The following TCF25 variants were observed in gnomAD, a reference collection of about 807,000 sequenced individuals.
TCF25 encodes the protein TCF25 ribosome quality control complex subunit.
In TCF25, 41 loss-of-function variants were observed where a neutral mutation model predicts 83.1. That is an observed-to-expected ratio of 0.49 (90% CI 0.38 to 0.64). The LOEUF (loss-of-function observed/expected upper bound fraction) is 0.64. Ranked by LOEUF, TCF25 falls within the 30% of genes least tolerant of loss-of-function variation. TCF25 has a pLI of 0.00. For missense variants in TCF25, 979 were observed against 914.5 expected (o/e 1.07, Z -0.91); for synonymous variants, 458 against 365.0 (o/e 1.25, Z -2.90).
intron 1 of TCF25, 116 bp downstream of exon 1, chr16:89,873,975 G>C (rs1387163988): frequency 7.8e-7 from 1 of 1,284,022 alleles, no homozygotes; most frequent in Non-Finnish European, 1.0e-6. Flanking sequence ...GAAGGGTGAC[G>C]TGGGTCCCAG....
Position 89,910,544 on chromosome 16 carries a change from G to A in TCF25, c.1800-47G>A, listed in dbSNP as rs2144357685. ...CCCCGTGAGCCGGGTTGGGTCCCAC[G>A]AGTCTCAGTTCAGTGTCGTTTCTGA... On this transcript the variant is annotated intron_variant, in intron 16 of 17. Transcript: ENST00000263346. 4.4e-6 allele frequency: 7 copies of A among 1,603,214 alleles called. No homozygotes were observed. In the East Asian group the frequency reaches 6.7e-5, roughly 15 times the overall value.
chr16:89,910,952 T>TG, intron 17 of TCF25, 128 bp from the exon 18 acceptor site: 1 of 1,308,204 alleles, frequency 7.6e-7, no homozygotes. Flanking sequence ...CACAGGGACC[T>TG]GGGGAGGGTT....
intron 9 of TCF25, 58 bp downstream of exon 9, chr16:89,896,141 G>T: frequency 6.4e-7 from 1 of 1,553,184 alleles, no homozygotes. Flanking sequence ...TGCGAGTGAG[G>T]CTGGGGGAGG....
chr16:89,900,737 T>A lies in TCF25; in HGVS notation c.1324T>A (p.Ser442Thr). Residue 442 changes from serine (S) to threonine (T), a missense_variant, in exon 12 of 18, where the codon TCT (serine) becomes ACT (threonine). By Grantham distance (58) the Ser-to-Thr change is moderately conservative. Coordinates refer to ENST00000263346, the MANE Select transcript of TCF25 (RefSeq NM_014972.3). The part of the protein sequence containing the change: ...QTDLPECEQS[S>T]ARQKASLLIQ... ...AGACCTCCCTGAGTGTGAGCAGAGC[T>A]CTGCCAGGCAGAAGGCCTCTCTCCT... 1.3e-6 allele frequency: 2 copies of A among 1,599,798 alleles called. No homozygotes were observed. Among genetic ancestry groups the A allele is most frequent in the Non-Finnish European group, 1.7e-6 (2 of 1,167,982 alleles).
chr16:89,902,407 C>CTCTGAGGGGCTGTGAG (rs1567730548), intron 12 of TCF25, among the ~76,000 whole-genome samples: 1 of 49,116 alleles, frequency 2.0e-5, no homozygotes, highest in African/African-American at 1.0e-4. Flanking sequence ...GACGGGCCTC[C>CTCTGAGGGGCTGTGAG]GGCCGGGCGC....
intron 1 of TCF25, among the ~76,000 whole-genome samples, chr16:89,877,020 T>G (rs1270685124): frequency 6.6e-6 from 1 of 151,344 alleles, no homozygotes; most frequent in Non-Finnish European, 1.5e-5. Context: ...GAGAATTGCT[T>G]GAACCCAGGA....
chr16:89,906,614 C>T (rs73265865), intron 15 of TCF25, among the ~76,000 whole-genome samples: 7,324 of 152,244 alleles, frequency 0.048, 595 homozygotes, highest in African/African-American at 0.17. Context: ...CCTGCTCTGA[C>T]GCCTCCTGTG....
chr16:89,904,035 G>A (rs570896528), intron 12 of TCF25, 83 bp from the exon 13 acceptor site: 7 of 1,366,796 alleles, frequency 5.1e-6, no homozygotes, highest in South Asian at 2.5e-5. Flanking sequence ...CAAGGACCTC[G>A]CTGTGTCCCT....
intron 2 of TCF25, chr16:89,884,184 G>C (rs1205327092): frequency 1.4e-5 from 3 of 208,364 alleles, no homozygotes; most frequent in African/African-American, 7.0e-5. Flanking sequence ...CCTTCCTACT[G>C]TCAGAAGGGG....
At chr16:89,908,682 GCTCCCACCTCCCGCCTCC>G (rs2045260903) in intron 16 of TCF25, among the ~76,000 whole-genome samples, 2 of 1,028 alleles carry the variant, frequency 1.9e-3, no homozygotes, top group East Asian at 0.033. Context: ...CCTCCTCCCA[GCTCCCACCTCCCGCCTCC>G]CAGCTCCCAC....
intron 2 of TCF25, 192 bp downstream of exon 2, chr16:89,883,704 C>G (rs139883094): frequency 4.7e-6 from 3 of 633,978 alleles, no homozygotes; most frequent in Admixed American, 3.0e-5. Flanking sequence ...GGTCGCAGGC[C>G]TTTCTCCTGC....
intron 16 of TCF25, 120 bp from the exon 17 acceptor site, chr16:89,910,471 C>T (rs958306030): frequency 3.1e-6 from 3 of 964,772 alleles, no homozygotes; most frequent in African/African-American, 1.6e-5. Context: ...CTGCTCTGCC[C>T]CCTGGCGGCC....
At chr16:89,883,645 C>T in intron 2 of TCF25, 133 bp downstream of exon 2, 10 of 1,072,712 alleles carry the variant, frequency 9.3e-6, no homozygotes, top group Non-Finnish European at 1.3e-5. Context: ...TGCTAGTTGC[C>T]CCCAAATTTA....
chr16:89,883,259 C>G (rs749912059), intron 1 of TCF25, 92 bp from the exon 2 acceptor site: 1 of 1,531,294 alleles, frequency 6.5e-7, no homozygotes. Context: ...GGGTCCCCAA[C>G]GCAAGCCCGT....
intron 5 of TCF25, chr16:89,889,722 G>C (rs1248164747): frequency 1.3e-5 from 2 of 151,558 alleles, no homozygotes; most frequent in South Asian, 4.1e-4. Context: ...AGCTAATTTT[G>C]TGTTTTTAGT....
At position 89,873,635 on chromosome 16, in the gene TCF25, C is replaced by CA. The variant is rs1491369573; in HGVS notation, c.-33_-32insA. ...AGCCGAGTTTTCTGCGCTTCCTTCTCCCTCTCTCCAGACGTCGTGGTCGTT... is the reference window on the plus strand; with the variant it reads ...AGCCGAGTTTTCTGCGCTTCCTTCTCACCTCTCTCCAGACGTCGTGGTCGTT... On this transcript the variant is annotated 5_prime_UTR_variant, in exon 1 of 18. Coordinates refer to ENST00000263346, the MANE Select transcript of TCF25 (RefSeq NM_014972.3). 1 of 1,502,428 alleles carries CA rather than the reference C, an allele frequency of 6.7e-7. No homozygotes were observed. Among genetic ancestry groups the CA allele is most frequent in the Non-Finnish European group, 8.9e-7 (1 of 1,129,766 alleles). 93.1% of individuals were successfully genotyped at this position (1,502,428 alleles called of 1,614,324 possible).
At chr16:89,889,543 G>A (rs1490579931) in intron 5 of TCF25, 3 of 157,126 alleles carry the variant, frequency 1.9e-5, no homozygotes, top group South Asian at 1.8e-4. Context: ...GGGTTTGCAC[G>A]TCTGAGTTCT....
chr16:89,904,239 G>T (rs1179005513), intron 13 of TCF25, 34 bp downstream of exon 13: 12 of 1,549,214 alleles, frequency 7.7e-6, no homozygotes, highest in Admixed American at 2.0e-5. Context: ...ATCTGTGGGT[G>T]CCTGTGGGTT....
intron 2 of TCF25, 96 bp downstream of exon 2, chr16:89,883,608 A>C: frequency 8.5e-6 from 12 of 1,412,878 alleles, no homozygotes; most frequent in Non-Finnish European, 1.1e-5. Context: ...TTGGAGGTGT[A>C]ATTTTCCGAG....
Sources: gnomAD v4.1 joint callset for allele counts (sites outside exome capture counted in the v4.1 genomes callset) on GRCh38, gnomAD v4.1.1 for gene constraint, MANE v1.5 for transcripts, NCBI Gene and HGNC (gene_info 2026-07-23, HGNC 2026-07-21) for gene names.